DLEU7: variants seen among roughly 807,000 people sequenced by gnomAD.
DLEU7 encodes leukemia-associated protein 7.
A neutral mutation model predicts 16.0 loss-of-function variants in DLEU7; 17 were observed. The ratio of observed to expected loss-of-function variants is 1.06; its 90% CI spans 0.73 to 1.59. The LOEUF (loss-of-function observed/expected upper bound fraction) is 1.59, where lower values mean the gene tolerates loss of function less well. Ranked by LOEUF, DLEU7 falls within the 40% of genes most tolerant of loss-of-function variation. The pLI is 0.00. For missense variants in DLEU7, 308 were observed against 314.9 expected, an observed-to-expected ratio of 0.98 and a Z score of 0.17; for synonymous variants, 113 against 139.8, an observed-to-expected ratio of 0.81 and a Z score of 1.35.
chr13:50,803,455 C>A (rs1313952849), intron 1 of DLEU7, among the ~76,000 whole-genome samples: 1 of 151,898 alleles, frequency 6.6e-6, no homozygotes, highest in African/African-American at 2.4e-5. Flanking sequence ...TAAAATTAAC[C>A]CATTAAAGTG....
intron 1 of DLEU7, among the ~76,000 whole-genome samples, chr13:50,785,658 C>T (rs777927615): frequency 7.9e-5 from 12 of 152,192 alleles, no homozygotes; most frequent in Non-Finnish European, 1.6e-4. Flanking sequence ...GGGAAACACT[C>T]CTGTGGCATC....
In DLEU7 at chr13:50,786,731, T is replaced by G. The variant is rs560712002; in HGVS notation, c.459+56457A>C. Among the ~76,000 whole-genome samples the G allele has an allele frequency of 9.2e-5, 14 of 152,366 alleles. 1 individual carries two copies. The South Asian group carries it at 2.9e-3, about 32-fold the overall frequency. Reference sequence around the variant, plus strand: ...TTTAGAAAACATAAAATCCTTTATTTTTTAACTCTTTGTGTGAGTTAAAAA... The same window carrying G: ...TTTAGAAAACATAAAATCCTTTATTGTTTAACTCTTTGTGTGAGTTAAAAA... On this transcript the variant is annotated intron_variant, in intron 1 of 1. Coordinates refer to the DLEU7 transcript ENST00000400393.
chr13:50,795,055 C>CA (rs10639199), intron 1 of DLEU7, among the ~76,000 whole-genome samples: 87,463 of 151,960 alleles, frequency 0.58, 25,523 homozygotes, highest in South Asian at 0.72. Flanking sequence ...GGGTTGGCTT[C>CA]AAAAACACAC....
At chr13:50,728,872 T>C (rs536424274) in intron 1 of DLEU7, among the ~76,000 whole-genome samples, 37 of 152,298 alleles carry the variant, frequency 2.4e-4, no homozygotes, top group Admixed American at 1.0e-3. Context: ...TCATACTCAC[T>C]ACTGAAGGGT....
chr13:50,784,638 T>C (rs1875749345), intron 1 of DLEU7, among the ~76,000 whole-genome samples: 1 of 152,194 alleles, frequency 6.6e-6, no homozygotes, highest in Admixed American at 6.5e-5. Context: ...ACAGAGAGAT[T>C]GCATGGCCGC....
chr13:50,806,003 A>G (rs996940081), intron 1 of DLEU7, among the ~76,000 whole-genome samples: 1 of 152,166 alleles, frequency 6.6e-6, no homozygotes, highest in Non-Finnish European at 1.5e-5. Context: ...GCTGCCCTCT[A>G]TTGTAAAAAC....
chr13:50,747,721 G>A (rs1315953150), intron 1 of DLEU7, among the ~76,000 whole-genome samples: 4 of 152,150 alleles, frequency 2.6e-5, no homozygotes, highest in East Asian at 1.9e-4. Flanking sequence ...CTATCCCAAC[G>A]AGAAAGATGG....
At chr13:50,839,856 C>G (rs1029590939) in intron 1 of DLEU7, among the ~76,000 whole-genome samples, 1 of 152,166 alleles carries the variant, frequency 6.6e-6, no homozygotes, top group Non-Finnish European at 1.5e-5. Flanking sequence ...TGACTAAATG[C>G]ATTATCTCAG....
At chr13:50,805,088 A>G (rs977388022) in intron 1 of DLEU7, among the ~76,000 whole-genome samples, 7 of 152,090 alleles carry the variant, frequency 4.6e-5, no homozygotes, top group African/African-American at 1.4e-4. Context: ...ACGTCTATGA[A>G]TAGTTGTGGT....
chr13:50,762,259 ATGTTTAGTTC>A (rs1232416292), intron 1 of DLEU7, among the ~76,000 whole-genome samples: 1 of 151,800 alleles, frequency 6.6e-6, no homozygotes, highest in Non-Finnish European at 1.5e-5. Context: ...AAAGACTTAT[ATGTTTAGTTC>A]TGTGTCTTCC....
intron 1 of DLEU7, among the ~76,000 whole-genome samples, chr13:50,816,461 C>T (rs1876738524): frequency 6.6e-6 from 1 of 151,998 alleles, no homozygotes. Context: ...GAAAGACCAA[C>T]GTCTGTTAAC....
chr13:50,775,009 A>G (rs561973125), intron 1 of DLEU7, among the ~76,000 whole-genome samples: 23 of 152,198 alleles, frequency 1.5e-4, no homozygotes, highest in African/African-American at 5.1e-4. Flanking sequence ...GCTTTCCTAT[A>G]AATTCATTAA....
At chr13:50,802,111 T>A (rs1876265538) in intron 1 of DLEU7, among the ~76,000 whole-genome samples, 1 of 87,092 alleles carries the variant, frequency 1.1e-5, no homozygotes, top group Admixed American at 1.8e-4. Context: ...CAAGGGAGCC[T>A]CTATACACTA....
chr13:50,782,871 A>G (rs1875695980), intron 1 of DLEU7, among the ~76,000 whole-genome samples: 1 of 151,970 alleles, frequency 6.6e-6, no homozygotes, highest in African/African-American at 2.4e-5. Context: ...AATGTAGCAG[A>G]TGCTGTTGGT....
At chr13:50,741,499 T>A (rs181215144) in intron 1 of DLEU7, among the ~76,000 whole-genome samples, 87 of 152,298 alleles carry the variant, frequency 5.7e-4, no homozygotes, top group African/African-American at 1.8e-3. Context: ...GGAGTTCTTA[T>A]ACAAAAATAA....
In DLEU7 at chr13:50,773,426, A is replaced by G. The variant is rs535053797; in HGVS notation, c.460-60186T>C. Among the ~76,000 whole-genome samples, 15 of 152,192 alleles carry G rather than the reference A, an allele frequency of 9.9e-5. No homozygotes were observed. The South Asian group carries it at 3.1e-3, about 32-fold the overall frequency. ...TGGTTTTATCTACCTTTGGTCTTTG[A>G]TGATAGTGACCTACAGATGGAGTTT... is the stretch of plus-strand genomic sequence containing the variant. On this transcript the variant is annotated intron_variant, in intron 1 of 1. Coordinates refer to the DLEU7 transcript ENST00000400393.
At chr13:50,717,590 T>TG (rs1386202584) in intron 1 of DLEU7, among the ~76,000 whole-genome samples, 1 of 152,042 alleles carries the variant, frequency 6.6e-6, no homozygotes, top group Non-Finnish European at 1.5e-5. Flanking sequence ...GTTTTTTTTT[T>TG]TTTCAAATTT....
downstream of DLEU7, among the ~76,000 whole-genome samples, chr13:50,822,163 C>T (rs926070782): frequency 1.3e-5 from 2 of 152,076 alleles, no homozygotes; most frequent in African/African-American, 2.4e-5. Context: ...TGGTCAGTTA[C>T]GTCCAAAGAG....
At chr13:50,760,043 C>A (rs1169893771) in intron 1 of DLEU7, among the ~76,000 whole-genome samples, 11 of 152,194 alleles carry the variant, frequency 7.2e-5, no homozygotes, top group Admixed American at 7.2e-4. Flanking sequence ...TTTACGTATT[C>A]TTGAGTATAC....
Sources: allele counts gnomAD v4.1 joint callset (sites outside exome capture counted in the v4.1 genomes callset), GRCh38; gene constraint gnomAD v4.1.1; transcripts MANE v1.5; gene names NCBI Gene and HGNC (gene_info 2026-07-23, HGNC 2026-07-21).